IL16: variants seen among roughly 807,000 people sequenced by gnomAD.
IL16 encodes the protein pro-interleukin-16.
IL16 carries 67 observed loss-of-function variants against 110.1 expected under a neutral mutation model. That is an observed-to-expected ratio of 0.61 (90% confidence interval 0.50 to 0.75). IL16 has a LOEUF of 0.75. IL16 is among the 30% of genes least tolerant of loss of function. The pLI is 0.00. For synonymous variants in IL16, 689 were observed against 662.9 expected, an observed-to-expected ratio of 1.04 and a Z score of -0.61; for missense variants, 1,545 against 1,655.0, an observed-to-expected ratio of 0.93 and a Z score of 1.15.
At chr15:81,238,153 C>T (rs1241099853) in intron 2 of IL16, among the ~76,000 whole-genome samples, 1 of 152,190 alleles carries the variant, frequency 6.6e-6, no homozygotes, top group African/African-American at 2.4e-5. Flanking sequence ...CCACCCACCT[C>T]AGCCTCCCAA....
intron 2 of IL16, among the ~76,000 whole-genome samples, chr15:81,235,462 A>G (rs953151852): frequency 1.3e-5 from 2 of 152,234 alleles, no homozygotes; most frequent in South Asian, 4.2e-4. Flanking sequence ...TGACCACAAA[A>G]AGAGCACAAA....
chr15:81,275,002 T>C (rs1898831155), intron 6 of IL16, among the ~76,000 whole-genome samples: 3 of 151,934 alleles, frequency 2.0e-5, no homozygotes, highest in Non-Finnish European at 4.4e-5. Flanking sequence ...GCGGTAACCC[T>C]GGGAGGAGAA....
intron 1 of IL16, among the ~76,000 whole-genome samples, chr15:81,203,426 G>A (rs1895895641): frequency 6.6e-6 from 1 of 152,160 alleles, no homozygotes; most frequent in African/African-American, 2.4e-5. Flanking sequence ...TATTGCCTAG[G>A]TTTTCTTCCA....
chr15:81,227,515 C>A (rs935688613), intron 2 of IL16, among the ~76,000 whole-genome samples: 7 of 151,992 alleles, frequency 4.6e-5, no homozygotes, highest in African/African-American at 1.7e-4. Context: ...TGCCTAGGAG[C>A]ATCAAGGAGA....
At chr15:81,279,028 G>C (rs1899043661) in intron 7 of IL16, 138 bp downstream of exon 7, 1 of 672,086 alleles carries the variant, frequency 1.5e-6, no homozygotes, top group Non-Finnish European at 2.7e-6. Context: ...TCTTGGCGCA[G>C]GGTTAAAAGA....
intron 2 of IL16, among the ~76,000 whole-genome samples, chr15:81,247,690 C>T (rs1379285886): frequency 2.0e-5 from 3 of 152,182 alleles, no homozygotes; most frequent in African/African-American, 7.2e-5. Context: ...GTAACCTCTA[C>T]TTCAGCGAAG....
chr15:81,200,310 T>G (rs1357524088), intron 1 of IL16, among the ~76,000 whole-genome samples: 1 of 151,708 alleles, frequency 6.6e-6, no homozygotes, highest in Non-Finnish European at 1.5e-5. Flanking sequence ...AAATGTAAAT[T>G]ATTATGGTAA....
chr15:81,203,666 A>G (rs934216799), intron 1 of IL16, among the ~76,000 whole-genome samples: 27 of 152,188 alleles, frequency 1.8e-4, no homozygotes, highest in Middle Eastern at 6.8e-3. Context: ...GCTCTGTTCT[A>G]TTCCATTGGT....
intron 1 of IL16, among the ~76,000 whole-genome samples, chr15:81,220,624 T>C (rs1896581035): frequency 6.6e-6 from 1 of 152,166 alleles, no homozygotes; most frequent in African/African-American, 2.4e-5. Flanking sequence ...TTGAAACACA[T>C]TTTACCAGCT....
At chr15:81,197,425 G>A (rs1895637495) in intron 1 of IL16, among the ~76,000 whole-genome samples, 2 of 152,142 alleles carry the variant, frequency 1.3e-5, no homozygotes, top group South Asian at 4.1e-4. Context: ...TGCAGCACGG[G>A]GAGAATTTGG....
At chr15:81,221,087 C>T (rs762740123) in intron 1 of IL16, among the ~76,000 whole-genome samples, 14 of 151,846 alleles carry the variant, frequency 9.2e-5, no homozygotes, top group Non-Finnish European at 1.9e-4. Flanking sequence ...GAGACCCCTT[C>T]CAGATCTAGT....
intron 2 of IL16, among the ~76,000 whole-genome samples, chr15:81,251,317 C>T (rs1196967240): frequency 1.3e-5 from 2 of 152,124 alleles, no homozygotes; most frequent in Non-Finnish European, 2.9e-5. Flanking sequence ...CAGGTTCGTA[C>T]CACCACACTG....
At chr15:81,292,355 G>C (rs2142359920) in intron 11 of IL16, 1 of 717,604 alleles carries the variant, frequency 1.4e-6, no homozygotes, top group Non-Finnish European at 2.4e-6. Flanking sequence ...CAGAAAGCTT[G>C]AATGATTTTC....
At position 81,300,230 on chromosome 15, in the gene IL16, CCT is replaced by C. The variant is rs1567045096; in HGVS notation, c.2905_2906del (p.Leu969AspfsTer7). On this transcript the variant is annotated frameshift_variant, in exon 14 of 19. Coordinates refer to ENST00000683961, the MANE Select transcript of IL16 (RefSeq NM_172217.5). LOFTEE classifies it high-confidence loss of function. ...MPSQRARSFP[L>X]TRSQSCETKL... Reference sequence around the variant, plus strand: ...CTAGCCAGCGAGCACGGAGCTTCCCCCTGACCAGGTCCCAGTCCTGTGAGACG... The same window carrying C: ...CTAGCCAGCGAGCACGGAGCTTCCCCGACCAGGTCCCAGTCCTGTGAGACG... 6.2e-7 allele frequency: 1 copy of C among 1,614,234 alleles called. No homozygotes were observed. The highest frequency in any genetic ancestry group is 8.5e-7 in the Non-Finnish European group (1 of 1,180,054).
chr15:81,257,287 C>G (rs554189329), intron 2 of IL16, among the ~76,000 whole-genome samples: 31 of 152,288 alleles, frequency 2.0e-4, no homozygotes, highest in Non-Finnish European at 2.6e-4. Flanking sequence ...TGTGTCAGAA[C>G]TGGAAACAAT....
chr15:81,258,031 G>A (rs890509251), intron 2 of IL16, among the ~76,000 whole-genome samples: 3 of 152,082 alleles, frequency 2.0e-5, no homozygotes, highest in Non-Finnish European at 4.4e-5. Context: ...CACAGAGCAT[G>A]TGCACACACA....
rs2141607245 is a variant in IL16 at position 81,299,447 on chromosome 15, T to C, written c.2121T>C (p.Asp707=). Residue 707 remains aspartate (D), a synonymous_variant, in exon 14 of 19, where the codon GAT becomes GAC. Transcript: ENST00000683961. ...KRQARMDYSF[D]TTAEDPWVRI... ...AGGCTCGGATGGACTATAGCTTTGA[T>C]ACCACAGCCGAAGACCCTTGGGTTA... is the stretch of plus-strand genomic sequence containing the variant. 6.2e-7 allele frequency: 1 copy of C among 1,614,134 alleles called. No homozygotes were observed. The highest frequency in any genetic ancestry group is 1.1e-5 in the South Asian group (1 of 91,076).
chr15:81,292,484 A>G (rs1190771970), intron 11 of IL16, 72 bp from the exon 12 acceptor site: 1 of 1,608,808 alleles, frequency 6.2e-7, no homozygotes. Flanking sequence ...CGTGGCAGTC[A>G]CAGGTGAGGC....
At chr15:81,269,706 G>T in intron 5 of IL16, 58 bp downstream of exon 5, 1 of 1,244,718 alleles carries the variant, frequency 8.0e-7, no homozygotes, top group Non-Finnish European at 1.2e-6. Context: ...TCTCCAAGGA[G>T]CTGCTGTGTC....
Sources: allele counts gnomAD v4.1 joint callset (sites outside exome capture counted in the v4.1 genomes callset), GRCh38; gene constraint gnomAD v4.1.1; transcripts MANE v1.5; gene names NCBI Gene and HGNC (gene_info 2026-07-23, HGNC 2026-07-21).